CCDC80: variants seen among roughly 807,000 people sequenced by gnomAD.
CCDC80 encodes coiled-coil domain containing 80.
CCDC80 carries 49 observed loss-of-function variants against 78.7 expected under a neutral mutation model. The ratio of observed to expected loss-of-function variants is 0.62; its 90% CI spans 0.50 to 0.79. The LOEUF is 0.79. CCDC80 is among the 30% of genes least tolerant of loss of function. The pLI is 0.00. For synonymous variants in CCDC80, 488 were observed against 447.0 expected (o/e 1.09, Z -1.16); for missense variants, 1,205 against 1,198.6 (o/e 1.01, Z -0.08).
chr3:112,634,657 T>G (rs1214648030), intron 2 of CCDC80, among the ~76,000 whole-genome samples: 2 of 152,212 alleles, frequency 1.3e-5, no homozygotes, highest in Non-Finnish European at 2.9e-5. Context: ...TCTGGGTGAC[T>G]CAAGGTTGAC....
intron 5 of CCDC80, among the ~76,000 whole-genome samples, chr3:112,611,072 C>G (rs912643350): frequency 2.6e-5 from 4 of 151,998 alleles, no homozygotes; most frequent in African/African-American, 9.7e-5. Context: ...TGCCACCACA[C>G]CCGGCTAATT....
chr3:112,614,792 T>C (rs747689624), intron 5 of CCDC80, among the ~76,000 whole-genome samples: 1 of 152,236 alleles, frequency 6.6e-6, no homozygotes, highest in African/African-American at 2.4e-5. Context: ...GAGCATAAGA[T>C]AAGACGATAG....
chr3:112,630,141 G>C lies in CCDC80; in HGVS notation c.2007C>G (p.Ser669Arg). The change falls in exon 3 of 8, where the codon AGC (serine) becomes AGG (arginine). Residue 669 changes from serine (S) to arginine (R), a missense_variant. Ser to Arg is a moderately radical substitution (Grantham distance 110). Coordinates refer to ENST00000206423, the MANE Select transcript of CCDC80 (RefSeq NM_199511.3). ...VITIFGPVNN[S>R]TMKIDHFQLD... ...GCTGAAAGTGGTCGATTTTCATGGT[G>C]CTGTTGTTGACAGGGCCGAAGATGG... is the stretch of plus-strand genomic sequence containing the variant. 6.2e-7 allele frequency: 1 copy of C among 1,613,894 alleles called. No individual in the cohort carries two copies. Among genetic ancestry groups the C allele is most frequent in the Non-Finnish European group, 8.5e-7 (1 of 1,179,834 alleles).
chr3:112,618,870 T>A (rs944655328), intron 4 of CCDC80, 98 bp downstream of exon 4: 11 of 1,303,332 alleles, frequency 8.4e-6, no homozygotes, highest in Non-Finnish European at 1.2e-5. Flanking sequence ...ATAAAATAAT[T>A]TATGCTTACT....
chr3:112,639,035 C>G lies in CCDC80; in HGVS notation c.871G>C (p.Val291Leu). The G allele has an allele frequency of 5.0e-6, 8 of 1,610,424 alleles. No homozygotes were observed. Among genetic ancestry groups the G allele is most frequent in the Non-Finnish European group, 6.8e-6 (8 of 1,179,624 alleles). Residue 291 changes from valine (V) to leucine (L), a missense_variant, in exon 2 of 8, where the codon GTG becomes CTG. Val to Leu is a conservative substitution (Grantham distance 32). Transcript: ENST00000206423. Reference sequence around the variant, plus strand: ...CCTCCACCGTCATTCCCCTCCGCCACCACCTGGCCCTCTACACCAGAGGCC... The same window carrying G: ...CCTCCACCGTCATTCCCCTCCGCCAGCACCTGGCCCTCTACACCAGAGGCC... ...CKASGVEGQV[V>L]AEGNDGGGGA...
Position 112,596,891 on chromosome 3 carries a change from A to G in CCDC80, c.*8526T>C, listed in dbSNP as rs1386540430. ...GGGGTCCAAGAGACATTCCATATTT[A>G]AGCTTCATAATGTCCTTATTTGCAC... On this transcript the variant is annotated 3_prime_UTR_variant, in exon 8 of 8. Coordinates refer to ENST00000206423, the MANE Select transcript of CCDC80 (RefSeq NM_199511.3). The G allele has an allele frequency of 6.6e-6, 1 of 152,082 alleles. No individual in the cohort carries two copies. The highest frequency in any genetic ancestry group is 1.5e-5 in the Non-Finnish European group (1 of 68,004). The allele number at this position is 152,082 out of a possible 1,614,324, so 9.4% of individuals were successfully genotyped here.
intron 2 of CCDC80, among the ~76,000 whole-genome samples, chr3:112,632,621 T>A (rs558533084): frequency 2.0e-5 from 3 of 152,290 alleles, no homozygotes; most frequent in African/African-American, 7.2e-5. Context: ...CAGTATGTAA[T>A]CACACAGAAC....
chr3:112,621,401 C>A (rs765460036), intron 3 of CCDC80, among the ~76,000 whole-genome samples: 1 of 152,174 alleles, frequency 6.6e-6, no homozygotes, highest in Non-Finnish European at 1.5e-5. Context: ...CCCCAGCATG[C>A]GTGCAAGCCC....
At chr3:112,627,048 AT>A (rs1935990709) in intron 3 of CCDC80, among the ~76,000 whole-genome samples, 1 of 152,188 alleles carries the variant, frequency 6.6e-6, no homozygotes, top group Non-Finnish European at 1.5e-5. Context: ...AGCTCTTAAA[AT>A]TTGGTGATAA....
rs2107463867 is a variant in CCDC80, at chr3:112,600,387, T to TA, written c.*5029dup. On this transcript the variant is annotated 3_prime_UTR_variant, in exon 8 of 8. Transcript: ENST00000206423. ...TGCTTGAAAAAGTAATCTCAGGTTG[T>TA]AAAAAAGAACTATCTTTTTTTGGTT... 1 of 152,342 alleles carries TA rather than the reference T, an allele frequency of 6.6e-6. No individual in the cohort carries two copies. The highest frequency in any genetic ancestry group is 2.4e-5 in the African/African-American group (1 of 41,576). The allele number at this position is 152,342 out of a possible 1,614,324, so 9.4% of individuals were successfully genotyped here.
chr3:112,613,866 A>G (rs1228508031), intron 5 of CCDC80, among the ~76,000 whole-genome samples: 4 of 151,552 alleles, frequency 2.6e-5, no homozygotes, highest in South Asian at 2.1e-4. Context: ...ATATGTTTGT[A>G]TATATCTATA....
At chr3:112,630,091 T>C in intron 3 of CCDC80, 22 bp downstream of exon 3, 4 of 1,608,320 alleles carry the variant, frequency 2.5e-6, no homozygotes, top group Non-Finnish European at 2.6e-6. Flanking sequence ...AACAATAATA[T>C]AATTAAAATG....
At position 112,616,784 on chromosome 3, in the gene CCDC80, A is replaced by G. The variant is rs1414978497; in HGVS notation, c.2247T>C (p.Asp749=). ...LIDTFQSRIK[D]MEKQKKEGIV... ...TGCCCTCCTTCTTCTGCTTCTCCAT[A>G]TCTTTGATTCGGGACTGGAAAGTAT... The change falls in exon 5 of 8, where the codon GAT becomes GAC. Residue 749 remains aspartate (D), a synonymous_variant. Coordinates refer to ENST00000206423, the MANE Select transcript of CCDC80 (RefSeq NM_199511.3). 6.2e-7 allele frequency: 1 copy of G among 1,614,018 alleles called. No homozygotes were observed. The highest frequency in any genetic ancestry group is 2.2e-5 in the East Asian group (1 of 44,890).
intron 2 of CCDC80, among the ~76,000 whole-genome samples, chr3:112,636,029 T>A (rs1576795558): frequency 6.6e-6 from 1 of 152,166 alleles, no homozygotes; most frequent in African/African-American, 2.4e-5. Context: ...ACAATTACAA[T>A]CCTGACATTT....
intron 2 of CCDC80, among the ~76,000 whole-genome samples, chr3:112,630,750 C>T (rs1219310416): frequency 2.0e-5 from 3 of 152,094 alleles, no homozygotes; most frequent in East Asian, 1.9e-4. Context: ...CTGGGCACTA[C>T]GAAACATTCT....
Position 112,638,389 on chromosome 3 carries a change from T to C in CCDC80, c.1517A>G (p.Tyr506Cys). 1 of 1,614,054 alleles carries C rather than the reference T, an allele frequency of 6.2e-7. No individual in the cohort carries two copies. Among genetic ancestry groups the C allele is most frequent in the South Asian group, 1.1e-5 (1 of 91,070 alleles). ...KAQDKILSNEYEEKYDLSRPT... is the reference protein window; with the variant it reads ...KAQDKILSNECEEKYDLSRPT... The stretch of plus-strand genomic sequence containing the variant: ...CCGGCTGAGGTCATACTTCTCCTCA[T>C]ACTCATTACTAAGAATTTTGTCCTG... Residue 506 changes from tyrosine to cysteine, a missense_variant, in exon 2 of 8, where the codon TAT (tyrosine) becomes TGT (cysteine). Physicochemically the swap from Tyr to Cys is radical, Grantham distance 194 (BLOSUM62 -2). Coordinates refer to ENST00000206423, the MANE Select transcript of CCDC80 (RefSeq NM_199511.3).
In CCDC80 at chr3:112,638,248, T is replaced by C. The variant is rs1936252732; in HGVS notation, c.1658A>G (p.Lys553Arg). The C allele has an allele frequency of 6.2e-7, 1 of 1,612,600 alleles. No individual in the cohort carries two copies. Among genetic ancestry groups the C allele is most frequent in the Middle Eastern group, 1.7e-4 (1 of 6,058 alleles). Residue 553 changes from lysine to arginine, a missense_variant, in exon 2 of 8, where the codon AAG (lysine) becomes AGG (arginine). Lys to Arg is a conservative substitution (Grantham distance 26, BLOSUM62 2). Transcript: ENST00000206423. ...CTTGTCTGCGTTCTCATTCTTCATC[T>C]TTTTTTTCTTCTCCTTCTCTGGTTT... ...LEKPEKEKKK[K>R]MKNENADKLL...
chr3:112,606,899 G>T (rs1190554391), intron 7 of CCDC80, among the ~76,000 whole-genome samples: 2 of 152,166 alleles, frequency 1.3e-5, no homozygotes, highest in South Asian at 4.2e-4. Context: ...GACCTATACG[G>T]ACCCCCAAAA....
Position 112,597,353 on chromosome 3 carries a change from T to C in CCDC80, c.*8064A>G, listed in dbSNP as rs1434005205. The C allele has an allele frequency of 6.6e-6, 1 of 152,200 alleles. No homozygotes were observed. The highest frequency in any genetic ancestry group is 1.5e-5 in the Non-Finnish European group (1 of 68,018). The allele number at this position is 152,200 out of a possible 1,614,324, so 9.4% of individuals were successfully genotyped here. ...TGGCCTCTTAGCCGGAGCTGATCCT[T>C]ACATGGGCAGTAGACTATAAGTGTG... On this transcript the variant is annotated 3_prime_UTR_variant, in exon 8 of 8. Coordinates refer to ENST00000206423, the MANE Select transcript of CCDC80 (RefSeq NM_199511.3).
Sources: allele counts gnomAD v4.1 joint callset (sites outside exome capture counted in the v4.1 genomes callset), GRCh38; gene constraint gnomAD v4.1.1; transcripts MANE v1.5; gene names NCBI Gene and HGNC (gene_info 2026-07-23, HGNC 2026-07-21).